Variants in NRAP observed in about 807,000 individuals in gnomAD.
NRAP encodes nebulin related anchoring protein.
In NRAP, 189 loss-of-function variants were observed where a neutral mutation model predicts 225.9. The ratio of observed to expected loss-of-function variants is 0.84; its 90% confidence interval spans 0.74 to 0.94. NRAP has a LOEUF of 0.94. Ranked by LOEUF, NRAP falls within the 40% of genes least tolerant of loss-of-function variation. The pLI is 0.00. For missense variants in NRAP, 2,176 were observed against 2,168.7 expected, an observed-to-expected ratio of 1.00 and a Z score of -0.07; for synonymous variants, 769 against 790.7, an observed-to-expected ratio of 0.97 and a Z score of 0.46.
At chr10:113,641,230 C>A in intron 13 of NRAP, 135 bp downstream of exon 13, 1 of 549,120 alleles carries the variant, frequency 1.8e-6, no homozygotes, top group Non-Finnish European at 3.2e-6. Context: ...TTTAGAAACT[C>A]TTTTGGGTCA....
At chr10:113,605,288 T>C (rs1279669870) in intron 34 of NRAP, among the ~76,000 whole-genome samples, 1 of 152,240 alleles carries the variant, frequency 6.6e-6, no homozygotes. Flanking sequence ...TGTGATTTGT[T>C]TGTGGGAAAG....
At chr10:113,636,647 G>C (rs992496350) in intron 14 of NRAP, among the ~76,000 whole-genome samples, 8 of 152,172 alleles carry the variant, frequency 5.3e-5, no homozygotes, top group Non-Finnish European at 1.2e-4. Context: ...AAAGAAACCA[G>C]AAATCCATAT....
At position 113,631,842 on chromosome 10, in the gene NRAP, T is replaced by G; in HGVS notation, c.1740+15A>C. ...CATTTCTTATGCATTCCTGAGTTAA[T>G]GAGAGGAAACGTACATTGCTAGCAA... On this transcript the variant is annotated intron_variant, in intron 17 of 41. Coordinates refer to ENST00000359988, the MANE Select transcript of NRAP (RefSeq NM_198060.4). 2 of 1,527,764 alleles carry G rather than the reference T, an allele frequency of 1.3e-6. No individual in the cohort carries two copies. The highest frequency in any genetic ancestry group is 1.8e-6 in the Non-Finnish European group (2 of 1,101,804). 94.6% of individuals were successfully genotyped at this position (1,527,764 alleles called of 1,614,324 possible).
At position 113,618,774 on chromosome 10, in the gene NRAP, C is replaced by T. The variant is rs145939673; in HGVS notation, c.2875-1221G>A. ...CAGCCTGGGCAACATGGTGAAACCC[C>T]GTCTCTACTAAAAATACAAGAATTA... On this transcript the variant is annotated intron_variant, in intron 25 of 41. Transcript: ENST00000359988. Among the ~76,000 whole-genome samples, 8 of 152,210 alleles carry T rather than the reference C, an allele frequency of 5.3e-5. 1 individual carries two copies. Among genetic ancestry groups the T allele is most frequent in the African/African-American group, 1.9e-4 (8 of 41,542 alleles).
At chr10:113,592,901 A>G (rs1448972381) in intron 38 of NRAP, among the ~76,000 whole-genome samples, 1 of 152,138 alleles carries the variant, frequency 6.6e-6, no homozygotes. Flanking sequence ...TACCTGACCC[A>G]TGTGTTTCAT....
rs766779386 is a variant in NRAP at position 113,597,115 on chromosome 10, C to T, written c.4402G>A (p.Ala1468Thr). 6.2e-7 allele frequency: 1 copy of T among 1,613,618 alleles called. No individual in the cohort carries two copies. Among genetic ancestry groups the T allele is most frequent in the Non-Finnish European group, 8.5e-7 (1 of 1,179,528 alleles). The change falls in exon 37 of 42, where the codon GCC becomes ACC. Residue 1468 changes from alanine (A) to threonine (T), a missense_variant. By Grantham distance (58) the Ala-to-Thr change is moderately conservative. Coordinates refer to ENST00000359988, the MANE Select transcript of NRAP (RefSeq NM_198060.4). Reference protein sequence around the residue: ...TVVDSPDLVHAKNSYMHCNER... With the variant: ...TVVDSPDLVHTKNSYMHCNER... ...TTGCAGTGCATATAGCTGTTCTTGG[C>T]ATGAACCAGGTCTGGGGAGTCAACC...
intron 6 of NRAP, 126 bp downstream of exon 6, chr10:113,652,809 G>A (rs1030242344): frequency 1.3e-5 from 9 of 674,606 alleles, no homozygotes; most frequent in Admixed American, 8.4e-5. Flanking sequence ...AGTTTTCTCT[G>A]TAATATGACA....
intron 35 of NRAP, among the ~76,000 whole-genome samples, chr10:113,602,117 A>T (rs1000223466): frequency 1.3e-5 from 2 of 152,166 alleles, no homozygotes; most frequent in Non-Finnish European, 2.9e-5. Flanking sequence ...AACTCAAGCA[A>T]TTCATTTACC....
chr10:113,643,099 T>G, intron 11 of NRAP, 61 bp from the exon 12 acceptor site: 1 of 822,748 alleles, frequency 1.2e-6, no homozygotes, highest in Non-Finnish European at 2.1e-6. Context: ...CTTGAAAATG[T>G]CCCAGGACTT....
At chr10:113,663,331 G>C (rs377216740) in intron 2 of NRAP, 21 bp downstream of exon 2, 43 of 1,393,276 alleles carry the variant, frequency 3.1e-5, no homozygotes, top group Non-Finnish European at 4.1e-5. Flanking sequence ...AGAGGTAGTG[G>C]TGGGGGCATC....
At chr10:113,614,778 CA>C in intron 28 of NRAP, 60 bp downstream of exon 28, 1 of 1,005,048 alleles carries the variant, frequency 9.9e-7, no homozygotes, top group Non-Finnish European at 1.6e-6. Flanking sequence ...GAGTTACGGG[CA>C]AAAGGAGTGA....
intron 11 of NRAP, among the ~76,000 whole-genome samples, chr10:113,644,963 A>G (rs559435554): frequency 6.6e-6 from 1 of 152,290 alleles, no homozygotes; most frequent in African/African-American, 2.4e-5. Context: ...CTAGGGCATG[A>G]GAAGGATATG....
At chr10:113,613,466 T>G (rs1006708137) in intron 29 of NRAP, among the ~76,000 whole-genome samples, 1 of 152,142 alleles carries the variant, frequency 6.6e-6, no homozygotes, top group Non-Finnish European at 1.5e-5. Flanking sequence ...TTCCTAGAGA[T>G]AGTCTGACAG....
intron 9 of NRAP, 51 bp from the exon 10 acceptor site, chr10:113,647,078 G>A (rs1467424592): frequency 8.4e-7 from 1 of 1,189,648 alleles, no homozygotes; most frequent in Admixed American, 1.7e-5. Context: ...TCCCCAGATG[G>A]GTGGGGTTCA....
At position 113,662,775 on chromosome 10, in the gene NRAP, A is replaced by G. The variant is rs2134230720; in HGVS notation, c.168-9T>C. ...TGTTCTTAGGGTTATGGCTACAACAAATAGGTATAAATCAAAATTAGAAAT... is the reference window on the plus strand; with the variant it reads ...TGTTCTTAGGGTTATGGCTACAACAGATAGGTATAAATCAAAATTAGAAAT... On this transcript the variant is annotated splice_polypyrimidine_tract_variant and intron_variant, in intron 2 of 41. Coordinates refer to ENST00000359988, the MANE Select transcript of NRAP (RefSeq NM_198060.4). 4 of 1,412,684 alleles carry G rather than the reference A, an allele frequency of 2.8e-6. No individual in the cohort carries two copies. The highest frequency in any genetic ancestry group is 2.0e-6 in the Non-Finnish European group (2 of 1,002,024). The allele number at this position is 1,412,684 out of a possible 1,614,324, so 87.5% of individuals were successfully genotyped here.
At chr10:113,601,248 C>G (rs1025675321) in intron 35 of NRAP, among the ~76,000 whole-genome samples, 1 of 152,264 alleles carries the variant, frequency 6.6e-6, no homozygotes, top group Non-Finnish European at 1.5e-5. Flanking sequence ...CTCAGCATCT[C>G]TGGGTCCCCT....
intron 32 of NRAP, among the ~76,000 whole-genome samples, chr10:113,606,655 C>A (rs1430260423): frequency 6.6e-6 from 1 of 152,218 alleles, no homozygotes; most frequent in African/African-American, 2.4e-5. Context: ...GAAGGGACAT[C>A]TCCAAACCCA....
rs758175729 is a variant in NRAP at position 113,620,652 on chromosome 10, C to G, written c.2826G>C (p.Gly942=). ...WMKGMGWVAT[G]SLNVEQAKKA... ...TCTTCGCCTGCTCCACATTTAATGA[C>G]CCGGTGGCGACCCAGCCCATGCCTT... Residue 942 remains glycine (G), a synonymous_variant, in exon 25 of 42, where the codon GGG becomes GGC. Coordinates refer to ENST00000359988, the MANE Select transcript of NRAP (RefSeq NM_198060.4). The G allele has an allele frequency of 1.2e-6, 2 of 1,613,792 alleles. No individual in the cohort carries two copies. Among genetic ancestry groups the G allele is most frequent in the South Asian group, 2.2e-5 (2 of 91,070 alleles).
At chr10:113,654,212 AAACAT>A in intron 4 of NRAP, 87 bp from the exon 5 acceptor site, 1 of 761,196 alleles carries the variant, frequency 1.3e-6, no homozygotes, top group East Asian at 2.5e-5. Flanking sequence ...AGATATTCTT[AAACAT>A]TATAAACTCC....
Sources: allele counts gnomAD v4.1 joint callset (sites outside exome capture counted in the v4.1 genomes callset), GRCh38; gene constraint gnomAD v4.1.1; transcripts MANE v1.5; gene names NCBI Gene and HGNC (gene_info 2026-07-23, HGNC 2026-07-21).